The following DENND11 variants were observed in gnomAD, a reference collection of about 807,000 sequenced individuals.
The protein encoded by DENND11 is DENN domain-containing protein 11.
DENND11 carries 34 observed loss-of-function variants against 49.2 expected under a neutral mutation model. That is an observed-to-expected ratio of 0.69 (90% confidence interval 0.53 to 0.92). The LOEUF is 0.92. Ranked by LOEUF, DENND11 falls within the 40% of genes least tolerant of loss-of-function variation. The pLI is 0.00. For missense variants in DENND11, 475 were observed against 581.6 expected (o/e 0.82, Z 1.88); for synonymous variants, 238 against 230.3 (o/e 1.03, Z -0.30).
chr7:141,677,839 G>A (rs1798088568), intron 3 of DENND11, among the ~76,000 whole-genome samples: 1 of 151,978 alleles, frequency 6.6e-6, no homozygotes, highest in East Asian at 1.9e-4. Flanking sequence ...TAAATAAATT[G>A]TGATGTATCT....
At chr7:141,670,289 T>C (rs761188287) in intron 4 of DENND11, among the ~76,000 whole-genome samples, 15 of 152,206 alleles carry the variant, frequency 9.9e-5, no homozygotes, top group Non-Finnish European at 1.9e-4. Flanking sequence ...TGTGTGTCTC[T>C]ATCTAGACAG....
chr7:141,693,552 G>A (rs1798361045), intron 1 of DENND11, among the ~76,000 whole-genome samples: 1 of 152,202 alleles, frequency 6.6e-6, no homozygotes, highest in Admixed American at 6.5e-5. Context: ...GATGTTTGCA[G>A]CAGCTTTATT....
At chr7:141,663,191 C>T (rs1797830716) in intron 8 of DENND11, 1 of 215,698 alleles carries the variant, frequency 4.6e-6, no homozygotes, top group Non-Finnish European at 9.1e-6. Context: ...TCTGCTTAGT[C>T]ATAGGAGGAA....
rs78480515 is a variant in DENND11 at position 141,667,671 on chromosome 7, G to A, written c.682-1246C>T. Among the ~76,000 whole-genome samples, 586 of 152,232 alleles carry A rather than the reference G, an allele frequency of 3.8e-3. 4 individuals are homozygous for A. The highest frequency in any genetic ancestry group is 0.012 in the African/African-American group (517 of 41,548). On this transcript the variant is annotated intron_variant, in intron 4 of 8. Transcript: ENST00000536163. ...AGAGAGGCACCGACTCTCGGGCTGC[G>A]TGCTAGGGTTTAACAACCACCAGCC...
chr7:141,701,893 G>C lies in DENND11; in HGVS notation c.261C>G (p.Pro87=). ...VVAVFVVTFD[P]RSGNMVEWCL... ...CCCCGGCGCGGCCCTCACCCGAGCG[G>C]GGGTCGAAGGTGACCACGAACACGG... The change falls in exon 1 of 9, where the codon CCC becomes CCG. Residue 87 remains proline (P), a synonymous_variant. Transcript: ENST00000536163. 3 of 1,207,204 alleles carry C rather than the reference G, an allele frequency of 2.5e-6. No individual in the cohort carries two copies. The highest frequency in any genetic ancestry group is 3.1e-6 in the Non-Finnish European group (3 of 972,732). 74.8% of individuals were successfully genotyped at this position (1,207,204 alleles called of 1,614,324 possible).
intron 2 of DENND11, among the ~76,000 whole-genome samples, 184 bp from the exon 3 acceptor site, chr7:141,685,820 G>T (rs1234516346): frequency 6.6e-6 from 1 of 152,174 alleles, no homozygotes; most frequent in Non-Finnish European, 1.5e-5. Flanking sequence ...CTTGCCAAGG[G>T]TCACTTGGCT....
chr7:141,681,601 A>G (rs1798147185), intron 3 of DENND11, among the ~76,000 whole-genome samples: 1 of 152,230 alleles, frequency 6.6e-6, no homozygotes, highest in Non-Finnish European at 1.5e-5. Context: ...CTAATTAAAA[A>G]CAATGACCCA....
rs1797724910 is a variant in DENND11 at position 141,657,989 on chromosome 7, C to T, written c.*4667G>A. 6.6e-6 allele frequency: 1 copy of T among 152,464 alleles called. No homozygotes were observed. The highest frequency in any genetic ancestry group is 1.5e-5 in the Non-Finnish European group (1 of 68,036). The allele number at this position is 152,464 out of a possible 1,614,324, so 9.4% of individuals were successfully genotyped here. A position where few individuals can be genotyped will look rare whatever the true frequency, so the allele number is the denominator to read the frequency against. On this transcript the variant is annotated 3_prime_UTR_variant, in exon 9 of 9. Transcript: ENST00000536163. The stretch of plus-strand genomic sequence containing the variant: ...AGGTTGGTATTTTTATGTCAACCTT[C>T]CTAGGACTGTCAAGTCTGCCTCCTA...
intron 2 of DENND11, 107 bp downstream of exon 2, chr7:141,686,452 T>A (rs1798243943): frequency 1.5e-6 from 1 of 686,008 alleles, no homozygotes; most frequent in Non-Finnish European, 2.6e-6. Context: ...TTTCAAGGCA[T>A]TTACACACAG....
chr7:141,696,157 T>TG (rs1798410269), intron 1 of DENND11, among the ~76,000 whole-genome samples: 3 of 152,162 alleles, frequency 2.0e-5, no homozygotes, highest in Non-Finnish European at 4.4e-5. Flanking sequence ...GCTCCAAAGG[T>TG]CAGCCTGACA....
chr7:141,693,798 A>T (rs1415423168), intron 1 of DENND11, among the ~76,000 whole-genome samples: 3 of 152,208 alleles, frequency 2.0e-5, no homozygotes, highest in Non-Finnish European at 4.4e-5. Context: ...AGGCAAAATT[A>T]TAGAGACAAT....
At position 141,662,605 on chromosome 7, in the gene DENND11, C is replaced by T. The variant is rs1797815819; in HGVS notation, c.*51G>A. On this transcript the variant is annotated 3_prime_UTR_variant, in exon 9 of 9. Coordinates refer to ENST00000536163, the MANE Select transcript of DENND11 (RefSeq NM_001080392.2). ...GCCCTCTGGGGCCCTGGGGTGAACT[C>T]CGGGCTGCTGACATCCCACGTGAAG... 1 of 1,409,354 alleles carries T rather than the reference C, an allele frequency of 7.1e-7. No individual in the cohort carries two copies. The highest frequency in any genetic ancestry group is 9.5e-7 in the Non-Finnish European group (1 of 1,057,716). The allele number at this position is 1,409,354 out of a possible 1,614,324, so 87.3% of individuals were successfully genotyped here.
chr7:141,673,938 T>C (rs1425668320), intron 4 of DENND11, 129 bp downstream of exon 4: 1 of 1,154,922 alleles, frequency 8.7e-7, no homozygotes, highest in Non-Finnish European at 1.2e-6. Context: ...GTTGCAACTC[T>C]GTTCTATCAA....
At chr7:141,665,682 C>A (rs1797884153) in intron 5 of DENND11, among the ~76,000 whole-genome samples, 1 of 152,104 alleles carries the variant, frequency 6.6e-6, no homozygotes, top group Admixed American at 6.5e-5. Context: ...TTCTGGTCCA[C>A]TTCCTGTGCC....
intron 1 of DENND11, 72 bp from the exon 2 acceptor site, chr7:141,686,730 G>T: frequency 1.0e-6 from 1 of 1,000,002 alleles, no homozygotes; most frequent in Non-Finnish European, 1.5e-6. Flanking sequence ...ACAGGGCTTA[G>T]CACACATGGC....
At position 141,687,550 on chromosome 7, in the gene DENND11, A is replaced by G. The variant is rs1299878570; in HGVS notation, c.269-892T>C. Among the ~76,000 whole-genome samples the G allele has an allele frequency of 2.4e-4, 34 of 141,040 alleles. No homozygotes were observed. The Admixed American group carries it at 2.5e-3, about 10-fold the overall frequency. The allele number at this position is 141,040 out of a possible 152,430, so 92.5% of individuals were successfully genotyped here. A position where few individuals can be genotyped will look rare whatever the true frequency, so the allele number is the denominator to read the frequency against. On this transcript the variant is annotated intron_variant, in intron 1 of 8. Transcript: ENST00000536163. ...ACAATCTCGGGTCACTGCAAGCTCCACCTCCCAGGTTCAAGGCGATTCTCC... is the reference window on the plus strand; with the variant it reads ...ACAATCTCGGGTCACTGCAAGCTCCGCCTCCCAGGTTCAAGGCGATTCTCC...
At chr7:141,685,806 A>G (rs1798231022) in intron 2 of DENND11, among the ~76,000 whole-genome samples, 170 bp from the exon 3 acceptor site, 1 of 152,200 alleles carries the variant, frequency 6.6e-6, no homozygotes, top group Non-Finnish European at 1.5e-5. Context: ...AAGAGATTAC[A>G]TAACTTGCCA....
chr7:141,674,367 T>A, intron 3 of DENND11, 147 bp from the exon 4 acceptor site: 1 of 1,365,276 alleles, frequency 7.3e-7, no homozygotes, highest in South Asian at 1.8e-5. Flanking sequence ...AAGATCCCCA[T>A]TTGGAGGTTG....
chr7:141,701,011 C>G (rs762728676), intron 1 of DENND11, among the ~76,000 whole-genome samples: 23 of 152,102 alleles, frequency 1.5e-4, no homozygotes, highest in Non-Finnish European at 2.6e-4. Flanking sequence ...CCCCCAACCC[C>G]GAACAGCAGA....
Sources: gnomAD v4.1 joint callset for allele counts (sites outside exome capture counted in the v4.1 genomes callset) on GRCh38, gnomAD v4.1.1 for gene constraint, MANE v1.5 for transcripts, NCBI Gene and HGNC (gene_info 2026-07-23, HGNC 2026-07-21) for gene names.